The following NLGN1 variants were observed in gnomAD, a reference collection of about 807,000 sequenced individuals.
NLGN1 encodes neuroligin 1, also known as neuroligin-1.
Under a neutral mutation model 65.5 loss-of-function variants are expected in NLGN1, and 12 were observed. That is an observed-to-expected ratio of 0.18 (90% CI 0.12 to 0.30). The LOEUF is 0.30. Ranked by LOEUF, NLGN1 falls within the 10% of genes least tolerant of loss-of-function variation. The pLI is 1.00. For missense variants in NLGN1, 750 were observed against 1,007.1 expected (o/e 0.74, Z 3.46); for synonymous variants, 350 against 359.5 (o/e 0.97, Z 0.30).
At chr3:173,865,053 A>C (rs2150830130) in intron 4 of NLGN1, among the ~76,000 whole-genome samples, 1 of 152,254 alleles carries the variant, frequency 6.6e-6, no homozygotes, top group African/African-American at 2.4e-5. Flanking sequence ...CTGTCAACTT[A>C]ATGGTGTGGT....
chr3:174,042,054 C>CA lies in NLGN1; in HGVS notation c.647-233251dup, dbSNP rs201995924. On this transcript the variant is annotated intron_variant, in intron 4 of 6. Transcript: ENST00000457714. ...GGGTGACAGAGTGAGAGTCTGCCTC[C>CA]AAAAAAAAAACATTAGATTATTGGA... is the stretch of plus-strand genomic sequence containing the variant. Among the ~76,000 whole-genome samples, 1,199 of 140,750 alleles carry CA rather than the reference C, an allele frequency of 8.5e-3. 20 individuals are homozygous for CA. Among genetic ancestry groups the CA allele is most frequent in the East Asian group, 0.044 (214 of 4,846 alleles). 92.3% of individuals were successfully genotyped at this position (140,750 alleles called of 152,430 possible).
chr3:174,267,344 T>A (rs1472213030), intron 4 of NLGN1, among the ~76,000 whole-genome samples: 2 of 152,178 alleles, frequency 1.3e-5, no homozygotes, highest in Non-Finnish European at 2.9e-5. Context: ...ATGAAGGATC[T>A]GCTTCCATGA....
intron 4 of NLGN1, among the ~76,000 whole-genome samples, chr3:173,817,416 G>A (rs996538701): frequency 6.6e-6 from 1 of 152,174 alleles, no homozygotes; most frequent in Admixed American, 6.5e-5. Context: ...CAAAAAGCAC[G>A]GCTAATACCT....
chr3:174,138,310 C>T (rs2152684446), intron 4 of NLGN1, among the ~76,000 whole-genome samples: 1 of 152,080 alleles, frequency 6.6e-6, no homozygotes, highest in Admixed American at 6.5e-5. Context: ...ACAATGTATG[C>T]AAATTATTTT....
chr3:173,400,330 A>G (rs1188302087), intron 1 of NLGN1, among the ~76,000 whole-genome samples: 1 of 152,152 alleles, frequency 6.6e-6, no homozygotes, highest in African/African-American at 2.4e-5. Context: ...ATTACATGCC[A>G]AAGTCCACAA....
chr3:173,781,154 A>AAAAAAAAAAAAAAAAAG (rs1175719248), intron 3 of NLGN1, among the ~76,000 whole-genome samples: 1 of 150,772 alleles, frequency 6.6e-6, no homozygotes, highest in African/African-American at 2.4e-5. Context: ...CAAAAAAAAA[A>AAAAAAAAAAAAAAAAAG]AAGTAAATAT....
intron 3 of NLGN1, among the ~76,000 whole-genome samples, chr3:173,660,173 CT>C (rs1276319191): frequency 9.2e-5 from 14 of 151,832 alleles, no homozygotes; most frequent in Non-Finnish European, 1.5e-5. Flanking sequence ...CTAAATAGAG[CT>C]TTATCTTTTC....
At chr3:173,667,377 A>C (rs920979090) in intron 3 of NLGN1, among the ~76,000 whole-genome samples, 3 of 152,114 alleles carry the variant, frequency 2.0e-5, no homozygotes, top group Non-Finnish European at 4.4e-5. Context: ...TTTTTAAAAA[A>C]ACTAATTTTG....
chr3:173,524,923 C>G (rs1010749327), intron 2 of NLGN1, among the ~76,000 whole-genome samples: 1 of 152,084 alleles, frequency 6.6e-6, no homozygotes, highest in Non-Finnish European at 1.5e-5. Flanking sequence ...CCCCTGCCCC[C>G]AATCATGATG....
At chr3:173,503,917 C>A (rs1167292779) in intron 2 of NLGN1, among the ~76,000 whole-genome samples, 1 of 151,550 alleles carries the variant, frequency 6.6e-6, no homozygotes, top group Non-Finnish European at 1.5e-5. Flanking sequence ...TTCTTATTAT[C>A]TTCAATTTAA....
intron 2 of NLGN1, among the ~76,000 whole-genome samples, chr3:173,516,943 A>G (rs1733910404): frequency 1.3e-5 from 2 of 152,028 alleles, no homozygotes; most frequent in South Asian, 4.1e-4. Context: ...CAAAAGACTG[A>G]TTCTATTTAT....
intron 2 of NLGN1, among the ~76,000 whole-genome samples, chr3:173,593,948 T>C (rs1202371732): frequency 2.0e-5 from 3 of 152,158 alleles, no homozygotes; most frequent in African/African-American, 7.2e-5. Flanking sequence ...GAGAACAGTA[T>C]GGGTGAAACC....
Position 174,261,920 on chromosome 3 carries a change from T to C in NLGN1, c.647-13395T>C, listed in dbSNP as rs1188152994. ...CGTTGTTGAATTTTGTCAAAGGCTT[T>C]TTCTGCATCTATTGAGATAATCATG... On this transcript the variant is annotated intron_variant, in intron 4 of 6. Transcript: ENST00000457714. 2.0e-5 allele frequency among the ~76,000 whole-genome samples: 3 copies of C among 146,936 alleles called. No individual in the cohort carries two copies. The East Asian group carries it at 6.0e-4, about 29-fold the overall frequency.
At chr3:173,758,953 T>C (rs1777544196) in intron 3 of NLGN1, among the ~76,000 whole-genome samples, 2 of 151,920 alleles carry the variant, frequency 1.3e-5, no homozygotes, top group Non-Finnish European at 2.9e-5. Context: ...GGTGCATGGG[T>C]ATCTCCTAAT....
chr3:174,025,164 A>G (rs1429003215), intron 4 of NLGN1, among the ~76,000 whole-genome samples: 1 of 152,178 alleles, frequency 6.6e-6, no homozygotes, highest in Non-Finnish European at 1.5e-5. Context: ...ATTTTTTTCT[A>G]AATTTAGCAT....
Position 174,164,066 on chromosome 3 carries a change from C to T in NLGN1, c.647-111249C>T, listed in dbSNP as rs539529747. On this transcript the variant is annotated intron_variant, in intron 4 of 6. Coordinates refer to ENST00000457714, the Ensembl canonical transcript of NLGN1. ...TTCCCACCAACAGTGTACAAGTATTCCCTTTTCTCCACAGCCTCATCAGCA... is the reference window on the plus strand; with the variant it reads ...TTCCCACCAACAGTGTACAAGTATTTCCTTTTCTCCACAGCCTCATCAGCA... 3.9e-5 allele frequency among the ~76,000 whole-genome samples: 6 copies of T among 152,174 alleles called. No individual in the cohort carries two copies. The South Asian group carries it at 1.2e-3, about 32-fold the overall frequency.
intron 4 of NLGN1, among the ~76,000 whole-genome samples, chr3:174,169,832 A>G (rs1455635743): frequency 6.6e-6 from 1 of 152,102 alleles, no homozygotes; most frequent in African/African-American, 2.4e-5. Flanking sequence ...TCCAGTGCCT[A>G]CTGCATCTGG....
chr3:174,159,108 C>A (rs1726021000), intron 4 of NLGN1, among the ~76,000 whole-genome samples: 1 of 151,656 alleles, frequency 6.6e-6, no homozygotes, highest in African/African-American at 2.4e-5. Flanking sequence ...ATCCAGTATA[C>A]CCTCGGTAGT....
intron 3 of NLGN1, among the ~76,000 whole-genome samples, chr3:173,762,724 G>A (rs930487381): frequency 2.6e-5 from 4 of 152,032 alleles, no homozygotes; most frequent in African/African-American, 4.8e-5. Flanking sequence ...CTCACTATAA[G>A]AGAGTAACTT....
Sources: allele counts gnomAD v4.1 joint callset (sites outside exome capture counted in the v4.1 genomes callset), GRCh38; gene constraint gnomAD v4.1.1; transcripts MANE v1.5; gene names NCBI Gene and HGNC (gene_info 2026-07-23, HGNC 2026-07-21).